Variants in FYTTD1 observed in about 807,000 individuals in gnomAD.
The protein encoded by FYTTD1 is forty-two-three domain containing 1.
FYTTD1 carries 22 observed loss-of-function variants against 40.9 expected under a neutral mutation model. That is an observed-to-expected ratio of 0.54 (90% CI 0.38 to 0.77). The LOEUF is 0.77. Among genes scored for constraint, FYTTD1 ranks in the 30% least tolerant of loss-of-function variants. The probability of loss-of-function intolerance (pLI) is 0.00; values close to 1 mark genes in which losing one functional copy is unlikely to be tolerated. For synonymous variants in FYTTD1, 140 were observed against 137.9 expected, an observed-to-expected ratio of 1.01 and a Z score of -0.10; for missense variants, 351 against 392.2, an observed-to-expected ratio of 0.90 and a Z score of 0.89.
intron 8 of FYTTD1, among the ~76,000 whole-genome samples, chr3:197,779,872 C>T (rs1362793996): frequency 6.8e-6 from 1 of 148,110 alleles, no homozygotes; most frequent in African/African-American, 2.5e-5. Flanking sequence ...GAGATACAGG[C>T]ACACACTGCC....
intron 1 of FYTTD1, among the ~76,000 whole-genome samples, chr3:197,754,619 T>G (rs962243694): frequency 6.6e-6 from 1 of 152,148 alleles, no homozygotes; most frequent in East Asian, 1.9e-4. Context: ...GAAATAATAC[T>G]GGAATTAGGA....
In FYTTD1 at chr3:197,762,993, C is replaced by T. The variant is rs1344883835; in HGVS notation, c.236-5446C>T. The stretch of plus-strand genomic sequence containing the variant: ...GTGTAACAAACCTGCACATCCTGCA[C>T]GTGTACCCCAACCTTAAAATAAAAG... On this transcript the variant is annotated intron_variant, in intron 2 of 8. Coordinates refer to ENST00000241502, the MANE Select transcript of FYTTD1 (RefSeq NM_032288.7). Among the ~76,000 whole-genome samples, 9 of 152,294 alleles carry T rather than the reference C, an allele frequency of 5.9e-5. No homozygotes were observed. In the East Asian group the frequency reaches 7.7e-4, roughly 13 times the overall value.
chr3:197,768,568 G>A lies in FYTTD1; in HGVS notation c.365G>A (p.Arg122His), dbSNP rs1560497331. 3.7e-6 allele frequency: 6 copies of A among 1,613,522 alleles called. No homozygotes were observed. Among genetic ancestry groups the A allele is most frequent in the South Asian group, 1.1e-5 (1 of 90,984 alleles). The part of the protein sequence containing the change: ...GIRKGISPMN[R>H]PPLSDKNIEQ... ...CGAAAAGGAATTAGTCCTATGAATC[G>A]TCCACCTCTAAGTGACAAGGTAGGA... is the stretch of plus-strand genomic sequence containing the variant. Residue 122 changes from arginine (R) to histidine (H), a missense_variant, in exon 3 of 9, where the codon CGT becomes CAT. By Grantham distance (29) the Arg-to-His change is conservative (BLOSUM62 0). Transcript: ENST00000241502.
chr3:197,780,944 G>T (rs1223350888), intron 8 of FYTTD1, among the ~76,000 whole-genome samples: 2 of 151,936 alleles, frequency 1.3e-5, no homozygotes, highest in African/African-American at 2.4e-5. Context: ...TCAAGAATGG[G>T]TATTCAATTT....
Position 197,749,993 on chromosome 3 carries a change from T to C in FYTTD1, c.22T>C (p.Leu8=). The change falls in exon 1 of 9, where the codon TTG becomes CTG. Residue 8 remains leucine, a synonymous_variant. Coordinates refer to ENST00000241502, the MANE Select transcript of FYTTD1 (RefSeq NM_032288.7). MNRFGTR[L]VGATATSSPP... is the part of the protein sequence containing the mutation. ...AGCCATGAACCGGTTTGGTACCCGG[T>C]TGGTGGGAGCCACGGCGACTTCTTC... 6.3e-7 allele frequency: 1 copy of C among 1,582,432 alleles called. No homozygotes were observed. The highest frequency in any genetic ancestry group is 8.6e-7 in the Non-Finnish European group (1 of 1,166,200).
intron 8 of FYTTD1, 92 bp downstream of exon 8, chr3:197,778,556 A>G: frequency 1.2e-6 from 1 of 843,802 alleles, no homozygotes; most frequent in East Asian, 2.8e-5. Context: ...TAAACAAGGT[A>G]TCCTAACTGC....
At chr3:197,752,471 T>C (rs1002113684) in intron 1 of FYTTD1, among the ~76,000 whole-genome samples, 1 of 152,218 alleles carries the variant, frequency 6.6e-6, no homozygotes. Flanking sequence ...TATATGTGTG[T>C]ATGTCTGTAT....
rs558666433 is a variant in FYTTD1 at position 197,773,045 on chromosome 3, G to A, written c.498-358G>A. ...TTTACGTCTTCAGTTTGGCCTATGT[G>A]TGGTTTTTCTTTGTACTAATCCTAT... On this transcript the variant is annotated intron_variant, in intron 4 of 8. Transcript: ENST00000241502. Among the ~76,000 whole-genome samples, 9 of 152,226 alleles carry A rather than the reference G, an allele frequency of 5.9e-5. No individual in the cohort carries two copies. The South Asian group carries it at 1.9e-3, about 32-fold the overall frequency.
At chr3:197,760,783 A>T (rs1272355218) in intron 2 of FYTTD1, among the ~76,000 whole-genome samples, 1 of 151,636 alleles carries the variant, frequency 6.6e-6, no homozygotes, top group East Asian at 2.0e-4. Flanking sequence ...GAATGTATGG[A>T]GTTGTTCCTC....
intron 6 of FYTTD1, 101 bp from the exon 7 acceptor site, chr3:197,776,826 G>A: frequency 2.6e-6 from 2 of 758,256 alleles, no homozygotes; most frequent in Non-Finnish European, 4.3e-6. Context: ...TACAAGCTAA[G>A]AAAAAGTAAT....
At chr3:197,761,271 AGAATGTATAGAGTTGTTCCTCAGTGGTG>A (rs1360198732) in intron 2 of FYTTD1, among the ~76,000 whole-genome samples, 1 of 151,908 alleles carries the variant, frequency 6.6e-6, no homozygotes, top group South Asian at 2.1e-4. Flanking sequence ...CTTCAATAGT[AGAATGTATAGAGTTGTTCCTCAGTGGTG>A]GAATGTATAG....
intron 2 of FYTTD1, chr3:197,763,515 G>A (rs980831959): frequency 4.4e-6 from 2 of 452,300 alleles, no homozygotes; most frequent in African/African-American, 2.0e-5. Context: ...AGAGGTTCGT[G>A]CTTGTAATCC....
upstream of FYTTD1, chr3:197,749,589 C>G: frequency 8.0e-7 from 1 of 1,252,488 alleles, no homozygotes; most frequent in African/African-American, 1.5e-5. Context: ...GGGGACCTGT[C>G]TGCAGCAGGA....
chr3:197,776,607 T>C (rs1471563522), intron 6 of FYTTD1, among the ~76,000 whole-genome samples: 1 of 152,058 alleles, frequency 6.6e-6, no homozygotes, highest in African/African-American at 2.4e-5. Context: ...TTAAAAGTGC[T>C]GCCTCTGGAG....
chr3:197,777,444 G>T (rs1401356312), intron 7 of FYTTD1, among the ~76,000 whole-genome samples: 4 of 151,938 alleles, frequency 2.6e-5, no homozygotes, highest in African/African-American at 9.7e-5. Context: ...GTTTGTTTGT[G>T]CCCAGACTGG....
intron 1 of FYTTD1, among the ~76,000 whole-genome samples, chr3:197,751,576 G>C (rs1386364904): frequency 6.6e-6 from 1 of 152,148 alleles, no homozygotes; most frequent in Non-Finnish European, 1.5e-5. Flanking sequence ...GGATGTTGCA[G>C]TGAGCCGATT....
chr3:197,753,827 C>T (rs1729136582), intron 1 of FYTTD1, among the ~76,000 whole-genome samples: 1 of 152,066 alleles, frequency 6.6e-6, no homozygotes, highest in South Asian at 2.1e-4. Context: ...ACGATCTCGG[C>T]TTCCCAGGTT....
chr3:197,779,471 A>G (rs527767361), intron 8 of FYTTD1, among the ~76,000 whole-genome samples: 1 of 148,970 alleles, frequency 6.7e-6, no homozygotes, highest in Non-Finnish European at 1.5e-5. Flanking sequence ...TTAAGCTTGT[A>G]TCCTATAATT....
At chr3:197,773,358 A>G in intron 4 of FYTTD1, 45 bp from the exon 5 acceptor site, 1 of 1,158,866 alleles carries the variant, frequency 8.6e-7, no homozygotes, top group Non-Finnish European at 1.3e-6. Flanking sequence ...AAGATGTTTG[A>G]AAGTAGTTAA....
Sources: gnomAD v4.1 joint callset for allele counts (sites outside exome capture counted in the v4.1 genomes callset) on GRCh38, gnomAD v4.1.1 for gene constraint, MANE v1.5 for transcripts, NCBI Gene and HGNC (gene_info 2026-07-23, HGNC 2026-07-21) for gene names.